The following CNTNAP4 variants were observed in gnomAD, a reference collection of about 807,000 sequenced individuals.
The protein encoded by CNTNAP4 is contactin associated protein family member 4.
In CNTNAP4, 98 loss-of-function variants were observed where a neutral mutation model predicts 148.4. The observed-to-expected ratio is 0.66, with a 90% CI of 0.56 to 0.78. CNTNAP4 has a LOEUF of 0.78. Ranked by LOEUF, CNTNAP4 falls within the 30% of genes least tolerant of loss-of-function variation. The pLI, the probability that CNTNAP4 is intolerant of heterozygous loss-of-function variation, is 0.00. For synonymous variants in CNTNAP4, 730 were observed against 565.1 expected (o/e 1.29, Z -4.14); for missense variants, 1,935 against 1,565.6 (o/e 1.24, Z -3.98).
intron 17 of CNTNAP4, 30 bp from the exon 18 acceptor site, chr16:76,535,515 A>G (rs910852176): frequency 1.6e-5 from 26 of 1,608,890 alleles, no homozygotes; most frequent in Non-Finnish European, 2.0e-5. Flanking sequence ...ACCTAGGAAC[A>G]TGTTTCCATT....
intron 1 of CNTNAP4, 141 bp from the exon 2 acceptor site, chr16:76,316,272 C>G (rs1961729323): frequency 1.4e-6 from 1 of 711,772 alleles, no homozygotes; most frequent in African/African-American, 1.8e-5. Flanking sequence ...CTAGTAAGCC[C>G]TGGAAGTAGT....
chr16:76,528,521 TC>T (rs1237741365), intron 17 of CNTNAP4, among the ~76,000 whole-genome samples: 1 of 152,160 alleles, frequency 6.6e-6, no homozygotes, highest in African/African-American at 2.4e-5. Flanking sequence ...CGCCTTGGCC[TC>T]CCAAAATGCT....
chr16:76,538,763 A>G (rs1048823347), intron 19 of CNTNAP4, among the ~76,000 whole-genome samples: 1 of 152,076 alleles, frequency 6.6e-6, no homozygotes, highest in African/African-American at 2.4e-5. Flanking sequence ...GAGTAAGAAT[A>G]TGTCCACAAG....
intron 3 of CNTNAP4, among the ~76,000 whole-genome samples, chr16:76,421,245 A>T (rs1345744412): frequency 2.0e-5 from 3 of 152,132 alleles, no homozygotes; most frequent in African/African-American, 7.2e-5. Context: ...CTTCAAATAA[A>T]TATTTTAATA....
chr16:76,487,063 A>G (rs1448262364), intron 12 of CNTNAP4, among the ~76,000 whole-genome samples: 1 of 152,188 alleles, frequency 6.6e-6, no homozygotes, highest in African/African-American at 2.4e-5. Context: ...ATAACTCCTT[A>G]ACTTGCAAGT....
chr16:76,471,816 A>G (rs1298227620), intron 10 of CNTNAP4, among the ~76,000 whole-genome samples: 1 of 152,202 alleles, frequency 6.6e-6, no homozygotes, highest in Non-Finnish European at 1.5e-5. Context: ...GATTCTTGTC[A>G]ATATCAAAGT....
At chr16:76,318,580 TC>T (rs777384463) in intron 2 of CNTNAP4, among the ~76,000 whole-genome samples, 3 of 151,718 alleles carry the variant, frequency 2.0e-5, no homozygotes, top group African/African-American at 7.2e-5. Flanking sequence ...TTTCTTTTTT[TC>T]CCCTGTTAAT....
At chr16:76,454,581 A>G (rs1274137604) in intron 8 of CNTNAP4, among the ~76,000 whole-genome samples, 1 of 151,822 alleles carries the variant, frequency 6.6e-6, no homozygotes, top group Non-Finnish European at 1.5e-5. Flanking sequence ...AACTCTCTCT[A>G]CTCTTTTTTT....
chr16:76,470,497 A>ATATATATATATATATATATATATATAT (rs398119511), intron 10 of CNTNAP4, among the ~76,000 whole-genome samples: 24 of 137,414 alleles, frequency 1.7e-4, no homozygotes, highest in South Asian at 4.8e-4. Context: ...ATATATATAT[A>ATATATATATATATATATATATATATAT]AAATTAGTCG....
chr16:76,498,578 C>A lies in CNTNAP4; in HGVS notation c.2249C>A (p.Thr750Asn), dbSNP rs368916686. The part of the protein sequence containing the change: ...DADRNEWTND[T>N]GLLAYKEHLP... ...CTATTGTTTTTTAGGACCAATGACA[C>A]TGGATTGCTTGCTTATAAAGAACAT... Residue 750 changes from threonine to asparagine, a missense_variant, in exon 15 of 24, where the codon ACT becomes AAT. Physicochemically the swap from Thr to Asn is moderately conservative, Grantham distance 65. Transcript: ENST00000611870. The A allele has an allele frequency of 1.2e-6, 2 of 1,611,390 alleles. No homozygotes were observed. Among genetic ancestry groups the A allele is most frequent in the South Asian group, 1.1e-5 (1 of 90,290 alleles).
intron 3 of CNTNAP4, among the ~76,000 whole-genome samples, chr16:76,363,803 G>A (rs185589421): frequency 6.6e-6 from 1 of 152,152 alleles, no homozygotes; most frequent in Admixed American, 6.5e-5. Flanking sequence ...AGTCAACACA[G>A]TTAGTTTGCT....
At chr16:76,501,067 C>T (rs1042620954) in intron 15 of CNTNAP4, among the ~76,000 whole-genome samples, 1 of 152,150 alleles carries the variant, frequency 6.6e-6, no homozygotes, top group African/African-American at 2.4e-5. Context: ...AAAGATGATA[C>T]TGGCCTTAAA....
At chr16:76,354,849 T>A (rs1367629944) in intron 2 of CNTNAP4, among the ~76,000 whole-genome samples, 2 of 152,218 alleles carry the variant, frequency 1.3e-5, no homozygotes, top group Admixed American at 6.5e-5. Context: ...TTCCCAGACT[T>A]AACAATGTCC....
intron 20 of CNTNAP4, 75 bp downstream of exon 20, chr16:76,539,927 TAATG>T: frequency 9.1e-7 from 1 of 1,097,940 alleles, no homozygotes; most frequent in Non-Finnish European, 1.3e-6. Flanking sequence ...AGAAATTTGA[TAATG>T]AACACAATAA....
chr16:76,332,180 T>A (rs902845022), intron 2 of CNTNAP4, among the ~76,000 whole-genome samples: 4 of 152,200 alleles, frequency 2.6e-5, no homozygotes, highest in Admixed American at 6.5e-5. Context: ...AGTGTAGAAC[T>A]CTTTGGGTTT....
At chr16:76,414,864 A>G (rs1272254508) in intron 3 of CNTNAP4, among the ~76,000 whole-genome samples, 1 of 151,262 alleles carries the variant, frequency 6.6e-6, no homozygotes, top group Non-Finnish European at 1.5e-5. Flanking sequence ...TGCATTACTG[A>G]TATTGTTTAT....
intron 1 of CNTNAP4, among the ~76,000 whole-genome samples, chr16:76,301,981 G>A (rs1444747273): frequency 6.6e-6 from 1 of 151,920 alleles, no homozygotes; most frequent in Non-Finnish European, 1.5e-5. Context: ...GCCACCTCTC[G>A]GGCACTTGCA....
At chr16:76,389,064 C>T (rs1234381987) in intron 3 of CNTNAP4, among the ~76,000 whole-genome samples, 3 of 152,074 alleles carry the variant, frequency 2.0e-5, no homozygotes, top group African/African-American at 7.2e-5. Flanking sequence ...AGAACACTGT[C>T]TAGTATATAA....
At chr16:76,346,893 G>A (rs1443926381) in intron 2 of CNTNAP4, among the ~76,000 whole-genome samples, 1 of 152,106 alleles carries the variant, frequency 6.6e-6, no homozygotes, top group Admixed American at 6.6e-5. Context: ...TGTCCAGTCT[G>A]GCAATACAAG....
Sources: gnomAD v4.1 joint callset for allele counts (sites outside exome capture counted in the v4.1 genomes callset) on GRCh38, gnomAD v4.1.1 for gene constraint, MANE v1.5 for transcripts, NCBI Gene and HGNC (gene_info 2026-07-23, HGNC 2026-07-21) for gene names.